NEK11: variants seen among roughly 807,000 people sequenced by gnomAD.
NEK11 encodes the protein NIMA related kinase 11.
NEK11 carries 72 observed loss-of-function variants against 80.7 expected under a neutral mutation model. The ratio of observed to expected loss-of-function variants is 0.89; its 90% CI spans 0.74 to 1.08. NEK11 has a LOEUF of 1.08. NEK11 is among the 50% of genes least tolerant of loss of function. The pLI is 0.00. For synonymous variants in NEK11, 251 were observed against 260.7 expected, an observed-to-expected ratio of 0.96 and a Z score of 0.36; for missense variants, 764 against 763.6, an observed-to-expected ratio of 1.00 and a Z score of -0.01.
intron 7 of NEK11, among the ~76,000 whole-genome samples, chr3:131,140,391 T>C (rs1245976066): frequency 6.6e-6 from 1 of 152,234 alleles, no homozygotes; most frequent in Non-Finnish European, 1.5e-5. Flanking sequence ...TGGCCAGTGA[T>C]GTGCGTGAGC....
chr3:131,031,909 C>T (rs945248831), intron 3 of NEK11, among the ~76,000 whole-genome samples: 19 of 151,860 alleles, frequency 1.3e-4, no homozygotes, highest in African/African-American at 4.4e-4. Context: ...CCACATGTGG[C>T]TTTCAGATGT....
intron 5 of NEK11, among the ~76,000 whole-genome samples, chr3:131,126,606 T>G (rs2083384217): frequency 6.6e-6 from 1 of 152,206 alleles, no homozygotes; most frequent in African/African-American, 2.4e-5. Flanking sequence ...GTAATGTCTT[T>G]TCTTTCAGTT....
intron 17 of NEK11, among the ~76,000 whole-genome samples, chr3:131,300,107 A>G (rs1233762636): frequency 6.6e-6 from 1 of 152,042 alleles, no homozygotes; most frequent in African/African-American, 2.4e-5. Flanking sequence ...TGTGGTTTTG[A>G]TATGCATTTC....
At chr3:131,207,614 C>A (rs1267670873) in intron 14 of NEK11, among the ~76,000 whole-genome samples, 2 of 152,042 alleles carry the variant, frequency 1.3e-5, no homozygotes, top group Non-Finnish European at 2.9e-5. Context: ...TCTCCACATC[C>A]TCTCCAGTAC....
chr3:131,117,652 G>A (rs894818024), intron 5 of NEK11, among the ~76,000 whole-genome samples: 1 of 152,042 alleles, frequency 6.6e-6, no homozygotes, highest in Admixed American at 6.6e-5. Context: ...TTATTTCATT[G>A]AGCAGTGGTT....
chr3:131,284,894 A>G (rs1189380208), intron 17 of NEK11, among the ~76,000 whole-genome samples: 5 of 152,140 alleles, frequency 3.3e-5, no homozygotes, highest in Admixed American at 2.0e-4. Flanking sequence ...TGAGACTCGA[A>G]CTGGCTTCCT....
chr3:131,271,974 C>T (rs1199336115), intron 16 of NEK11, among the ~76,000 whole-genome samples: 1 of 151,990 alleles, frequency 6.6e-6, no homozygotes, highest in East Asian at 1.9e-4. Context: ...GTGGCGCACG[C>T]CTGTAATCCC....
intron 3 of NEK11, among the ~76,000 whole-genome samples, chr3:131,076,528 GA>G (rs1258612231): frequency 6.6e-6 from 1 of 152,092 alleles, no homozygotes; most frequent in Non-Finnish European, 1.5e-5. Context: ...TAAAACCCCT[GA>G]TTATATTTCA....
At chr3:131,091,009 C>G (rs1318204338) in intron 4 of NEK11, among the ~76,000 whole-genome samples, 1 of 152,190 alleles carries the variant, frequency 6.6e-6, no homozygotes, top group Non-Finnish European at 1.5e-5. Context: ...AGTGATCATC[C>G]TACCTCAGCC....
intron 14 of NEK11, among the ~76,000 whole-genome samples, chr3:131,198,344 G>A (rs1288281718): frequency 1.3e-5 from 2 of 152,206 alleles, no homozygotes; most frequent in African/African-American, 4.8e-5. Context: ...ATTACTTGTT[G>A]ACAGTTACAT....
intron 14 of NEK11, among the ~76,000 whole-genome samples, chr3:131,202,583 T>G (rs1431025160): frequency 5.9e-5 from 9 of 152,036 alleles, no homozygotes; most frequent in South Asian, 2.1e-4. Context: ...AAATGGGATC[T>G]AATTAAACTA....
chr3:131,257,411 A>G (rs893418798), intron 16 of NEK11, among the ~76,000 whole-genome samples: 2 of 152,168 alleles, frequency 1.3e-5, no homozygotes, highest in Non-Finnish European at 2.9e-5. Context: ...TGTCTCACAA[A>G]GTAAAAGATT....
intron 17 of NEK11, among the ~76,000 whole-genome samples, chr3:131,332,411 C>A (rs1337313240): frequency 6.7e-6 from 1 of 148,600 alleles, no homozygotes; most frequent in Non-Finnish European, 1.5e-5. Flanking sequence ...AGGGTCCTGT[C>A]TGTTAGAAGG....
At chr3:131,297,874 C>T (rs2096614209) in intron 17 of NEK11, among the ~76,000 whole-genome samples, 1 of 152,150 alleles carries the variant, frequency 6.6e-6, no homozygotes, top group South Asian at 2.1e-4. Context: ...TTTCGGCTTT[C>T]TACATATGGC....
intron 17 of NEK11, among the ~76,000 whole-genome samples, chr3:131,348,517 C>T (rs968873369): frequency 3.3e-5 from 5 of 151,752 alleles, no homozygotes; most frequent in African/African-American, 1.2e-4. Flanking sequence ...GCAGGCCCCA[C>T]ATAAAGACAT....
chr3:131,339,078 CTT>C, intron 17 of NEK11, among the ~76,000 whole-genome samples: 1 of 152,046 alleles, frequency 6.6e-6, no homozygotes, highest in Non-Finnish European at 1.5e-5. Context: ...TTAACAGACT[CTT>C]TGAAAAACAA....
intron 17 of NEK11, among the ~76,000 whole-genome samples, chr3:131,281,885 TA>T (rs1368747238): frequency 6.6e-6 from 1 of 152,184 alleles, no homozygotes; most frequent in East Asian, 1.9e-4. Flanking sequence ...GCTTTTGGTA[TA>T]TTTTTTGGAA....
intron 7 of NEK11, 135 bp from the exon 8 acceptor site, chr3:131,152,253 G>T: frequency 1.6e-6 from 1 of 623,016 alleles, no homozygotes; most frequent in Non-Finnish European, 2.7e-6. Context: ...GTATGAAACT[G>T]CAGTTTTAAG....
intron 7 of NEK11, among the ~76,000 whole-genome samples, chr3:131,140,064 T>C (rs967453691): frequency 6.6e-6 from 1 of 152,316 alleles, no homozygotes; most frequent in Admixed American, 6.5e-5. Flanking sequence ...ACATGTTCTT[T>C]TCTCACATGT....
Sources: allele counts gnomAD v4.1 joint callset (sites outside exome capture counted in the v4.1 genomes callset), GRCh38; gene constraint gnomAD v4.1.1; transcripts MANE v1.5; gene names NCBI Gene and HGNC (gene_info 2026-07-23, HGNC 2026-07-21).